The following ARFGEF3 variants were observed in gnomAD, a reference collection of about 807,000 sequenced individuals.
ARFGEF3 encodes brefeldin A-inhibited guanine nucleotide-exchange protein 3.
Under a neutral mutation model 221.7 loss-of-function variants are expected in ARFGEF3, and 96 were observed. The observed-to-expected ratio is 0.43, with a 90% CI of 0.37 to 0.51. ARFGEF3 has a LOEUF of 0.51. ARFGEF3 is among the 20% of genes least tolerant of loss of function. ARFGEF3 has a pLI of 0.00. For missense variants in ARFGEF3, 2,410 were observed against 2,789.9 expected (o/e 0.86, Z 3.07); for synonymous variants, 1,145 against 1,126.8 (o/e 1.02, Z -0.32).
At chr6:138,318,766 C>T (rs1779970208) in intron 27 of ARFGEF3, among the ~76,000 whole-genome samples, 1 of 152,090 alleles carries the variant, frequency 6.6e-6, no homozygotes, top group Non-Finnish European at 1.5e-5. Flanking sequence ...AACTCATCAA[C>T]ATTTCCACAA....
chr6:138,246,838 T>C (rs1356153749), intron 8 of ARFGEF3, among the ~76,000 whole-genome samples: 1 of 152,172 alleles, frequency 6.6e-6, no homozygotes. Flanking sequence ...AATGAGTAGC[T>C]TACAGCTGCT....
chr6:138,177,361 C>A (rs907066486), intron 2 of ARFGEF3, among the ~76,000 whole-genome samples: 1 of 152,114 alleles, frequency 6.6e-6, no homozygotes, highest in Admixed American at 6.5e-5. Context: ...TCAAGTGATT[C>A]ACCTGCCTCA....
chr6:138,227,427 A>G (rs1778106404), intron 4 of ARFGEF3, among the ~76,000 whole-genome samples: 1 of 152,226 alleles, frequency 6.6e-6, no homozygotes, highest in South Asian at 2.1e-4. Context: ...TGTGTACCTT[A>G]TATGAACTCA....
chr6:138,168,959 A>AGAGATCAAAGAAGGGAGACAGGAATTG (rs1776773304), intron 1 of ARFGEF3, among the ~76,000 whole-genome samples: 3 of 152,208 alleles, frequency 2.0e-5, no homozygotes, highest in African/African-American at 7.2e-5. Flanking sequence ...GTGTTTAGTG[A>AGAGATCAAAGAAGGGAGACAGGAATTG]GAGATCAAAG....
At chr6:138,250,592 A>G (rs1778561828) in intron 8 of ARFGEF3, among the ~76,000 whole-genome samples, 1 of 152,210 alleles carries the variant, frequency 6.6e-6, no homozygotes, top group African/African-American at 2.4e-5. Flanking sequence ...CAAAGTCAAA[A>G]TGGTTCAAAA....
chr6:138,334,703 G>C lies in ARFGEF3; in HGVS notation c.5857G>C (p.Gly1953Arg). The change falls in exon 33 of 34, where the codon GGG becomes CGG. Residue 1953 changes from glycine to arginine, a missense_variant. Transcript: ENST00000251691. The surrounding 1 kb of genome is among the most constrained non-coding windows in gnomAD (Gnocchi z 5.1). ...FQSESSTPST[G>R]GFSGKETPSE... ...GTCCGAGTCATCCACCCCATCCACCGGGGGCTTCTCTGGGAAAGAAACCCC... is the reference window on the plus strand; with the variant it reads ...GTCCGAGTCATCCACCCCATCCACCCGGGGCTTCTCTGGGAAAGAAACCCC... 6.2e-7 allele frequency: 1 copy of C among 1,610,108 alleles called. No individual in the cohort carries two copies. The highest frequency in any genetic ancestry group is 8.5e-7 in the Non-Finnish European group (1 of 1,177,030).
At chr6:138,279,916 C>A in intron 13 of ARFGEF3, 83 bp from the exon 14 acceptor site, 1 of 1,371,472 alleles carries the variant, frequency 7.3e-7, no homozygotes, top group Non-Finnish European at 1.0e-6. Flanking sequence ...GGCTCTGTGA[C>A]GTGAAGAGGC....
intron 12 of ARFGEF3, among the ~76,000 whole-genome samples, chr6:138,274,522 A>G (rs534342515): frequency 4.6e-4 from 70 of 152,220 alleles, no homozygotes; most frequent in African/African-American, 1.7e-3. Context: ...CAGCCTAGCA[A>G]GGCGTGGTGG....
chr6:138,266,624 C>A (rs560455332), intron 12 of ARFGEF3, among the ~76,000 whole-genome samples: 2 of 151,998 alleles, frequency 1.3e-5, no homozygotes, highest in African/African-American at 2.4e-5. Flanking sequence ...CCGAGGCAGG[C>A]GGATCATGAG....
Position 138,298,787 on chromosome 6 carries a change from T to C in ARFGEF3, c.3828+2T>C. ...TGTGATGAGGACGTCCAAGACCAGG[T>C]CAGTGTGACATGGTCATCAGCGTCA... On this transcript the variant is annotated splice_donor_variant, in intron 22 of 33. Coordinates refer to ENST00000251691, the MANE Select transcript of ARFGEF3 (RefSeq NM_020340.5). LOFTEE classifies it high-confidence loss of function. The C allele has an allele frequency of 6.2e-7, 1 of 1,610,502 alleles. No individual in the cohort carries two copies. The highest frequency in any genetic ancestry group is 8.5e-7 in the Non-Finnish European group (1 of 1,178,412).
intron 2 of ARFGEF3, among the ~76,000 whole-genome samples, chr6:138,175,089 T>A (rs1776912951): frequency 6.6e-6 from 1 of 152,168 alleles, no homozygotes; most frequent in South Asian, 2.1e-4. Flanking sequence ...TCAAGAGACA[T>A]TACTTATTTG....
At chr6:138,164,435 C>T (rs1776681479) in intron 1 of ARFGEF3, among the ~76,000 whole-genome samples, 1 of 152,172 alleles carries the variant, frequency 6.6e-6, no homozygotes, top group Non-Finnish European at 1.5e-5. Context: ...TCAGACTTGG[C>T]AAGGTCCATC....
chr6:138,239,735 T>G (rs771377222), intron 6 of ARFGEF3, among the ~76,000 whole-genome samples: 1 of 152,080 alleles, frequency 6.6e-6, no homozygotes, highest in African/African-American at 2.4e-5. Flanking sequence ...TTAGGATTTC[T>G]TATTTAACCT....
intron 25 of ARFGEF3, among the ~76,000 whole-genome samples, chr6:138,312,595 G>A (rs555020127): frequency 7.9e-5 from 12 of 152,204 alleles, no homozygotes; most frequent in Admixed American, 5.9e-4. Flanking sequence ...TTCCTCTGCT[G>A]GGACTCTCTC....
At chr6:138,218,019 A>G (rs1777905295) in intron 4 of ARFGEF3, 1 of 1,612,390 alleles carries the variant, frequency 6.2e-7, no homozygotes, top group Non-Finnish European at 8.5e-7. Flanking sequence ...AGTTTTGGAT[A>G]AGTAGAGAAG....
chr6:138,168,753 C>T (rs1267680247), intron 1 of ARFGEF3, among the ~76,000 whole-genome samples: 2 of 152,230 alleles, frequency 1.3e-5, no homozygotes, highest in African/African-American at 4.8e-5. Flanking sequence ...TTAAATAAAT[C>T]ATTTGTGGTC....
At chr6:138,228,857 T>A (rs79943928) in intron 4 of ARFGEF3, among the ~76,000 whole-genome samples, 2 of 152,148 alleles carry the variant, frequency 1.3e-5, no homozygotes, top group African/African-American at 4.8e-5. Flanking sequence ...GGCTGTGGGG[T>A]TTGAGATCAA....
At chr6:138,259,739 C>T (rs1778751465) in intron 10 of ARFGEF3, among the ~76,000 whole-genome samples, 1 of 152,060 alleles carries the variant, frequency 6.6e-6, no homozygotes, top group Non-Finnish European at 1.5e-5. Context: ...TGGTGAAACC[C>T]CATCTCTACT....
chr6:138,204,687 A>G (rs116848750), intron 2 of ARFGEF3, among the ~76,000 whole-genome samples: 2,088 of 152,126 alleles, frequency 0.014, 32 homozygotes, highest in Middle Eastern at 0.058. Flanking sequence ...TTATACTCCA[A>G]CTCTGCAGGA....
Sources: allele counts gnomAD v4.1 joint callset (sites outside exome capture counted in the v4.1 genomes callset), GRCh38; gene constraint gnomAD v4.1.1; non-coding constraint Gnocchi (gnomAD v3.1); transcripts MANE v1.5; gene names NCBI Gene and HGNC (gene_info 2026-07-23, HGNC 2026-07-21).